Variants in ALK observed in about 807,000 individuals in gnomAD.
ALK encodes the protein ALK receptor tyrosine kinase, also known as ALK tyrosine kinase receptor.
In ALK, 74 loss-of-function variants were observed where a neutral mutation model predicts 163.1. That is an observed-to-expected ratio of 0.45 (90% CI 0.38 to 0.55). The LOEUF (loss-of-function observed/expected upper bound fraction) is 0.55. ALK is among the 20% of genes least tolerant of loss of function. ALK has a pLI of 0.00. For synonymous variants in ALK, 960 were observed against 843.2 expected (o/e 1.14, Z -2.40); for missense variants, 2,063 against 2,105.3 (o/e 0.98, Z 0.39).
At chr2:29,850,703 C>T (rs1236910332) in intron 1 of ALK, among the ~76,000 whole-genome samples, 1 of 152,172 alleles carries the variant, frequency 6.6e-6, no homozygotes, top group Non-Finnish European at 1.5e-5. Context: ...CTTGGTTGTA[C>T]CATCTGGTCT....
chr2:29,688,967 G>A (rs761710465), intron 3 of ALK, among the ~76,000 whole-genome samples: 3 of 152,138 alleles, frequency 2.0e-5, no homozygotes, highest in Non-Finnish European at 4.4e-5. Context: ...GTGCAGAGCA[G>A]GGACAATGGC....
chr2:29,665,895 T>C (rs1677498891), intron 3 of ALK, among the ~76,000 whole-genome samples: 1 of 152,088 alleles, frequency 6.6e-6, no homozygotes, highest in South Asian at 2.1e-4. Context: ...ATCAACCTCC[T>C]CTTGTTCCTG....
intron 9 of ALK, among the ~76,000 whole-genome samples, chr2:29,295,769 G>A (rs1666159036): frequency 6.6e-6 from 1 of 152,194 alleles, no homozygotes; most frequent in Non-Finnish European, 1.5e-5. Flanking sequence ...TTTTTTGAAG[G>A]TGGATCCACC....
chr2:29,876,315 ATGGTGATGGTGGTGGTGG>A (rs1191648843), intron 1 of ALK, among the ~76,000 whole-genome samples: 29 of 152,172 alleles, frequency 1.9e-4, no homozygotes, highest in African/African-American at 6.5e-4. Context: ...AGTGGTGGTG[ATGGTGATGGTGGTGGTGG>A]TGGTGATGGT....
At chr2:29,859,981 G>A (rs145830935) in intron 1 of ALK, among the ~76,000 whole-genome samples, 2 of 152,302 alleles carry the variant, frequency 1.3e-5, no homozygotes, top group East Asian at 3.9e-4. Flanking sequence ...AAAGAATACA[G>A]ACATGGACAA....
chr2:29,195,696 C>G (rs1295454326), intron 28 of ALK, among the ~76,000 whole-genome samples: 2 of 152,202 alleles, frequency 1.3e-5, no homozygotes, highest in African/African-American at 4.8e-5. Flanking sequence ...GATGGCGCCA[C>G]TGTGCTCCAG....
chr2:29,336,540 T>C (rs762827148), intron 5 of ALK, among the ~76,000 whole-genome samples: 1 of 152,216 alleles, frequency 6.6e-6, no homozygotes, highest in Non-Finnish European at 1.5e-5. Flanking sequence ...TGGAGACACA[T>C]GTGGCCCAGG....
chr2:29,597,775 T>C (rs868798833), intron 3 of ALK, among the ~76,000 whole-genome samples: 3 of 152,172 alleles, frequency 2.0e-5, no homozygotes, highest in Non-Finnish European at 2.9e-5. Flanking sequence ...TTCTCTCCTC[T>C]TCACCAAGGG....
intron 5 of ALK, among the ~76,000 whole-genome samples, chr2:29,340,734 C>T (rs149958282): frequency 2.6e-5 from 4 of 152,162 alleles, no homozygotes; most frequent in African/African-American, 9.7e-5. Flanking sequence ...TAATATTAAC[C>T]ATCTGACATT....
At chr2:29,880,854 C>A (rs1372754839) in intron 1 of ALK, among the ~76,000 whole-genome samples, 1 of 152,208 alleles carries the variant, frequency 6.6e-6, no homozygotes, top group Admixed American at 6.5e-5. Context: ...CTTTCTCATT[C>A]TTCCTCTTCA....
At chr2:29,826,686 C>T (rs967107680) in intron 1 of ALK, among the ~76,000 whole-genome samples, 38 of 152,336 alleles carry the variant, frequency 2.5e-4, no homozygotes, top group Admixed American at 2.2e-3. Context: ...CAGAGCAATG[C>T]CTGCCTGCCC....
At chr2:29,265,920 G>A (rs1483091373) in intron 11 of ALK, among the ~76,000 whole-genome samples, 5 of 152,174 alleles carry the variant, frequency 3.3e-5, no homozygotes, top group African/African-American at 7.2e-5. Flanking sequence ...AGGAGGTGGA[G>A]GTTGCAGTGA....
intron 1 of ALK, among the ~76,000 whole-genome samples, chr2:29,718,854 A>AG (rs994020610): frequency 6.6e-6 from 1 of 152,176 alleles, no homozygotes; most frequent in Non-Finnish European, 1.5e-5. Flanking sequence ...GAAGAGGAAA[A>AG]GGGGGAGAAG....
At chr2:29,693,338 T>G (rs1194349556) in intron 3 of ALK, among the ~76,000 whole-genome samples, 1 of 151,808 alleles carries the variant, frequency 6.6e-6, no homozygotes, top group Admixed American at 6.6e-5. Context: ...GGTTATAGGA[T>G]CTAGGCAGTC....
chr2:29,248,424 C>T (rs1664739313), intron 12 of ALK, among the ~76,000 whole-genome samples: 1 of 152,214 alleles, frequency 6.6e-6, no homozygotes, highest in African/African-American at 2.4e-5. Context: ...GGTGGCACCA[C>T]TGCACCCCAG....
chr2:29,715,142 G>C (rs72851917), intron 2 of ALK, among the ~76,000 whole-genome samples: 3,644 of 152,318 alleles, frequency 0.024, 85 homozygotes, highest in African/African-American at 0.057. Context: ...TGGTGGTAAT[G>C]TCTTCATAAG....
At chr2:29,887,864 G>A (rs1667024976) in intron 1 of ALK, among the ~76,000 whole-genome samples, 1 of 152,154 alleles carries the variant, frequency 6.6e-6, no homozygotes, top group African/African-American at 2.4e-5. Flanking sequence ...TTACTGGAAG[G>A]ACTGCTATGT....
intron 1 of ALK, among the ~76,000 whole-genome samples, chr2:29,756,911 G>C (rs1259824865): frequency 1.3e-5 from 2 of 152,168 alleles, no homozygotes; most frequent in Non-Finnish European, 2.9e-5. Flanking sequence ...TCTCACTCCA[G>C]GAAGCTGGCA....
In ALK at chr2:29,243,042, C is replaced by T. The variant is rs138629224; in HGVS notation, c.2205-3212G>A. On this transcript the variant is annotated intron_variant, in intron 12 of 28. Coordinates refer to ENST00000389048, the MANE Select transcript of ALK (RefSeq NM_004304.5). ...AAATTCCACCATTAGAGCTTCACTCCTCTGGAAGCTTCTAGTTGCTACTAC... is the reference window on the plus strand; with the variant it reads ...AAATTCCACCATTAGAGCTTCACTCTTCTGGAAGCTTCTAGTTGCTACTAC... Among the ~76,000 whole-genome samples the T allele has an allele frequency of 2.6e-4, 39 of 152,340 alleles. 2 individuals are homozygous for T. In the East Asian group the frequency reaches 7.1e-3, roughly 28 times the overall value.
Sources: allele counts gnomAD v4.1 joint callset (sites outside exome capture counted in the v4.1 genomes callset), GRCh38; gene constraint gnomAD v4.1.1; transcripts MANE v1.5; gene names NCBI Gene and HGNC (gene_info 2026-07-23, HGNC 2026-07-21).